The following GTF2F2 variants were observed in gnomAD, a reference collection of about 807,000 sequenced individuals.
GTF2F2 encodes ATP-dependent helicase GTF2F2.
Under a neutral mutation model 42.2 loss-of-function variants are expected in GTF2F2, and 23 were observed. The observed-to-expected ratio is 0.55, with a 90% confidence interval of 0.39 to 0.77. The LOEUF (loss-of-function observed/expected upper bound fraction) is 0.77, where lower values mean the gene tolerates loss of function less well. GTF2F2 is among the 30% of genes least tolerant of loss of function. The pLI is 0.00. For synonymous variants in GTF2F2, 105 were observed against 100.8 expected, an observed-to-expected ratio of 1.04 and a Z score of -0.25; for missense variants, 261 against 287.2, an observed-to-expected ratio of 0.91 and a Z score of 0.66.
At chr13:45,263,538 A>ATTTT (rs1876435615) in intron 6 of GTF2F2, among the ~76,000 whole-genome samples, 1 of 152,050 alleles carries the variant, frequency 6.6e-6, no homozygotes, top group Non-Finnish European at 1.5e-5. Flanking sequence ...TACAGACAAC[A>ATTTT]TTTTTAAGAG....
In GTF2F2 at chr13:45,212,905, C is replaced by A. The variant is rs922096920; in HGVS notation, c.386+5400C>A. Among the ~76,000 whole-genome samples, 4 of 151,940 alleles carry A rather than the reference C, an allele frequency of 2.6e-5. 1 individual carries two copies. Among genetic ancestry groups the A allele is most frequent in the Admixed American group, 2.6e-4 (4 of 15,254 alleles). ...TACAGGCATGTGCCACCACGCCTGG[C>A]TAATTTTTGTGTTTTTAGTAGAGAC... On this transcript the variant is annotated intron_variant, in intron 5 of 7. Coordinates refer to ENST00000340473, the MANE Select transcript of GTF2F2 (RefSeq NM_004128.3).
intron 4 of GTF2F2, among the ~76,000 whole-genome samples, chr13:45,197,616 C>T (rs963694582): frequency 1.3e-4 from 19 of 151,978 alleles, no homozygotes; most frequent in Admixed American, 1.0e-3. Flanking sequence ...TATAGGAGTT[C>T]ATTGATCATT....
At chr13:45,272,613 G>A (rs1034534687) in intron 7 of GTF2F2, among the ~76,000 whole-genome samples, 3 of 151,346 alleles carry the variant, frequency 2.0e-5, no homozygotes, top group Non-Finnish European at 4.4e-5. Flanking sequence ...GAGTGGTGGT[G>A]CACACCTGTA....
chr13:45,203,677 A>G (rs1216659904), intron 4 of GTF2F2, among the ~76,000 whole-genome samples: 1 of 152,238 alleles, frequency 6.6e-6, no homozygotes, highest in East Asian at 1.9e-4. Context: ...TAAAACTAAT[A>G]TAGACAAGTT....
At chr13:45,225,543 G>A (rs1874302644) in intron 5 of GTF2F2, among the ~76,000 whole-genome samples, 1 of 150,264 alleles carries the variant, frequency 6.7e-6, no homozygotes, top group Admixed American at 6.7e-5. Context: ...GCTTGACATG[G>A]AGATTGCAAT....
rs192660852 is a variant in GTF2F2, at chr13:45,257,663, G to A, written c.486+4693G>A. On this transcript the variant is annotated intron_variant, in intron 6 of 7. Coordinates refer to ENST00000340473, the MANE Select transcript of GTF2F2 (RefSeq NM_004128.3). ...GTATGGTTTACAAGAGGGCCCACTG[G>A]GTGAGGGGGAAAATTATTATATTTA... Among the ~76,000 whole-genome samples the A allele has an allele frequency of 1.3e-3, 202 of 152,192 alleles. 1 individual carries two copies. Among genetic ancestry groups the A allele is most frequent in the African/African-American group, 4.7e-3 (197 of 41,528 alleles).
At chr13:45,129,439 T>C (rs1869221467) in intron 1 of GTF2F2, among the ~76,000 whole-genome samples, 1 of 151,876 alleles carries the variant, frequency 6.6e-6, no homozygotes, top group South Asian at 2.1e-4. Context: ...CGAACTCCTG[T>C]GCTCAAATGA....
At chr13:45,205,839 T>C (rs1436357011) in intron 4 of GTF2F2, among the ~76,000 whole-genome samples, 1 of 152,178 alleles carries the variant, frequency 6.6e-6, no homozygotes, top group Non-Finnish European at 1.5e-5. Context: ...TTTTAAAGGA[T>C]TAATTGTCTT....
intron 4 of GTF2F2, among the ~76,000 whole-genome samples, chr13:45,184,924 A>G (rs1323040968): frequency 6.6e-6 from 1 of 152,024 alleles, no homozygotes; most frequent in East Asian, 1.9e-4. Context: ...CGATCTTCCC[A>G]CCTCCGCCTC....
chr13:45,244,386 T>C (rs1232085432), intron 5 of GTF2F2, among the ~76,000 whole-genome samples: 2 of 152,212 alleles, frequency 1.3e-5, no homozygotes, highest in Non-Finnish European at 2.9e-5. Flanking sequence ...TGAGATGATA[T>C]AGGAAAAGTT....
intron 1 of GTF2F2, among the ~76,000 whole-genome samples, chr13:45,136,090 C>G (rs184797261): frequency 3.3e-5 from 5 of 152,332 alleles, no homozygotes; most frequent in Non-Finnish European, 5.9e-5. Context: ...CTGTCTCCAT[C>G]TTTACTAATT....
At chr13:45,233,520 A>G (rs1874794335) in intron 5 of GTF2F2, among the ~76,000 whole-genome samples, 1 of 152,218 alleles carries the variant, frequency 6.6e-6, no homozygotes, top group Admixed American at 6.5e-5. Context: ...ATCACTGTAG[A>G]CTGTTCCATG....
At chr13:45,125,831 GTATGGA>G in intron 1 of GTF2F2, among the ~76,000 whole-genome samples, 1 of 152,282 alleles carries the variant, frequency 6.6e-6, no homozygotes, top group East Asian at 1.9e-4. Flanking sequence ...GGATCAGCAT[GTATGGA>G]AGGAAAAGGA....
intron 1 of GTF2F2, among the ~76,000 whole-genome samples, chr13:45,135,166 C>A (rs537850436): frequency 3.9e-5 from 6 of 151,942 alleles, no homozygotes; most frequent in Admixed American, 1.3e-4. Context: ...GATGGCCAGG[C>A]TGGTCTAGAA....
At chr13:45,275,351 G>A (rs1876986531) in intron 7 of GTF2F2, among the ~76,000 whole-genome samples, 1 of 151,916 alleles carries the variant, frequency 6.6e-6, no homozygotes, top group South Asian at 2.1e-4. Flanking sequence ...TGTGCACAAT[G>A]TGCAGGTTTG....
intron 5 of GTF2F2, among the ~76,000 whole-genome samples, chr13:45,212,882 C>T (rs1413286521): frequency 1.3e-5 from 2 of 151,876 alleles, no homozygotes; most frequent in Non-Finnish European, 2.9e-5. Flanking sequence ...GCTGGAAGTA[C>T]AGGCATGTGC....
Position 45,196,474 on chromosome 13 carries a change from G to A in GTF2F2, c.305-10950G>A, listed in dbSNP as rs146151904. On this transcript the variant is annotated intron_variant, in intron 4 of 7. Coordinates refer to ENST00000340473, the MANE Select transcript of GTF2F2 (RefSeq NM_004128.3). ...TTAAGAAATACTGAATAGATTTTGA[G>A]GGAGAAGGGATACAACTCTGGAAGT... 6.6e-5 allele frequency among the ~76,000 whole-genome samples: 10 copies of A among 152,250 alleles called. No homozygotes were observed. In the East Asian group the frequency reaches 1.9e-3, roughly 29 times the overall value.
chr13:45,258,509 G>A (rs1468775228), intron 6 of GTF2F2, among the ~76,000 whole-genome samples: 3 of 152,210 alleles, frequency 2.0e-5, no homozygotes, highest in Admixed American at 2.0e-4. Context: ...CAAGGCTAGA[G>A]TTGAAGACTT....
At chr13:45,274,489 G>A (rs1876942249) in intron 7 of GTF2F2, among the ~76,000 whole-genome samples, 1 of 151,912 alleles carries the variant, frequency 6.6e-6, no homozygotes, top group African/African-American at 2.4e-5. Context: ...ACCACACCTA[G>A]CTAATTTTTT....
Sources: gnomAD v4.1 joint callset for allele counts (sites outside exome capture counted in the v4.1 genomes callset) on GRCh38, gnomAD v4.1.1 for gene constraint, MANE v1.5 for transcripts, NCBI Gene and HGNC (gene_info 2026-07-23, HGNC 2026-07-21) for gene names.